The following ZFHX3 variants were observed in gnomAD, a reference collection of about 807,000 sequenced individuals.
ZFHX3 encodes zinc finger homeobox protein 3.
In ZFHX3, 42 loss-of-function variants were observed where a neutral mutation model predicts 279.1. The observed-to-expected ratio is 0.15, with a 90% CI of 0.12 to 0.19. ZFHX3 has a LOEUF of 0.19. ZFHX3 is among the 10% of genes least tolerant of loss of function. The probability of loss-of-function intolerance (pLI) is 1.00; values close to 1 mark genes in which losing one functional copy is unlikely to be tolerated. For missense variants in ZFHX3, 4,981 were observed against 4,754.0 expected, an observed-to-expected ratio of 1.05 and a Z score of -1.40; for synonymous variants, 2,293 against 1,957.8, an observed-to-expected ratio of 1.17 and a Z score of -4.52.
At chr16:73,488,157 T>G (rs2143641055) in intron 2 of ZFHX3, among the ~76,000 whole-genome samples, 1 of 152,236 alleles carries the variant, frequency 6.6e-6, no homozygotes, top group African/African-American at 2.4e-5. Context: ...TAGAAGAATT[T>G]GAGAGAACAA....
intron 3 of ZFHX3, among the ~76,000 whole-genome samples, chr16:72,914,752 G>A (rs577505345): frequency 7.6e-4 from 115 of 152,246 alleles, no homozygotes; most frequent in Admixed American, 2.5e-3. Context: ...AGCACTTTGG[G>A]GGCTGAGGCA....
intron 3 of ZFHX3, among the ~76,000 whole-genome samples, chr16:72,931,328 A>G (rs1166802834): frequency 1.3e-5 from 2 of 151,488 alleles, no homozygotes; most frequent in African/African-American, 4.8e-5. Flanking sequence ...CTTTCAAATC[A>G]AGAAGGGAGG....
intron 4 of ZFHX3, among the ~76,000 whole-genome samples, chr16:72,853,435 C>T (rs1201220966): frequency 6.6e-6 from 1 of 152,242 alleles, no homozygotes; most frequent in East Asian, 1.9e-4. Flanking sequence ...AGCCTTCTTT[C>T]TGCCCAGAAC....
chr16:72,944,782 A>G (rs1474133989), intron 3 of ZFHX3, among the ~76,000 whole-genome samples: 2 of 152,222 alleles, frequency 1.3e-5, no homozygotes, highest in African/African-American at 4.8e-5. Flanking sequence ...AATAATTAAG[A>G]ATACAATACT....
At chr16:73,052,754 G>C (rs1227529370), upstream of ZFHX3, among the ~76,000 whole-genome samples, 1 of 152,182 alleles carries the variant, frequency 6.6e-6, no homozygotes, top group African/African-American at 2.4e-5. Flanking sequence ...TAGGACAAAT[G>C]TTTTTGCTTT....
chr16:73,409,042 A>T (rs2017417673), intron 3 of ZFHX3, among the ~76,000 whole-genome samples: 1 of 152,172 alleles, frequency 6.6e-6, no homozygotes, highest in African/African-American at 2.4e-5. Flanking sequence ...CAATCCAGGG[A>T]TTCATTCATT....
intron 1 of ZFHX3, among the ~76,000 whole-genome samples, chr16:73,746,871 T>C (rs937102237): frequency 6.6e-6 from 1 of 152,244 alleles, no homozygotes; most frequent in Non-Finnish European, 1.5e-5. Context: ...CCTTCTTTTT[T>C]CCTTATTGCC....
At chr16:73,517,179 G>C (rs1238125744) in intron 2 of ZFHX3, among the ~76,000 whole-genome samples, 1 of 152,080 alleles carries the variant, frequency 6.6e-6, no homozygotes, top group Non-Finnish European at 1.5e-5. Flanking sequence ...TGACTGTATT[G>C]TTCTACCGTC....
In ZFHX3 at chr16:73,415,273, G is replaced by C. The variant is rs8058103; in HGVS notation, c.-1291+40730C>G. On this transcript the variant is annotated intron_variant, in intron 3 of 17. Transcript: ENST00000641206. Reference sequence around the variant, plus strand: ...CAGAAGAAACAGACTTGGCTTATAAGACATTAAGAAAATTTTTAGTCTTGA... The same window carrying C: ...CAGAAGAAACAGACTTGGCTTATAACACATTAAGAAAATTTTTAGTCTTGA... 7.2e-3 allele frequency among the ~76,000 whole-genome samples: 1,103 copies of C among 152,278 alleles called. 13 individuals carry two copies. Among genetic ancestry groups the C allele is most frequent in the African/African-American group, 0.025 (1,039 of 41,558 alleles).
chr16:73,168,506 C>T (rs1340651680), intron 5 of ZFHX3, among the ~76,000 whole-genome samples: 1 of 152,158 alleles, frequency 6.6e-6, no homozygotes, highest in Admixed American at 6.6e-5. Context: ...GTCTCCTACC[C>T]CAGCCTCCCG....
At chr16:73,444,052 C>T (rs1368337942) in intron 3 of ZFHX3, among the ~76,000 whole-genome samples, 15 of 152,234 alleles carry the variant, frequency 9.9e-5, no homozygotes, top group East Asian at 1.9e-4. Context: ...TGAGCCACCA[C>T]GCCAAGTCCT....
At chr16:73,510,131 C>A (rs1320254503) in intron 2 of ZFHX3, among the ~76,000 whole-genome samples, 4 of 152,152 alleles carry the variant, frequency 2.6e-5, no homozygotes, top group Non-Finnish European at 4.4e-5. Flanking sequence ...GCTATGTCAC[C>A]TTTTCTGAGA....
chr16:73,036,182 T>A (rs1174659256), intron 1 of ZFHX3, among the ~76,000 whole-genome samples: 4 of 152,152 alleles, frequency 2.6e-5, no homozygotes, highest in African/African-American at 9.7e-5. Context: ...TGGGGAGGGC[T>A]GCGGGAGGAA....
At chr16:73,153,525 G>C (rs899345953) in intron 5 of ZFHX3, among the ~76,000 whole-genome samples, 1 of 152,168 alleles carries the variant, frequency 6.6e-6, no homozygotes, top group Non-Finnish European at 1.5e-5. Flanking sequence ...TCCTTCCCTT[G>C]TGTGAGCCCT....
intron 8 of ZFHX3, chr16:73,093,081 A>G (rs750445418): frequency 1.9e-6 from 1 of 520,028 alleles, no homozygotes; most frequent in Non-Finnish European, 3.8e-6. Flanking sequence ...CCCCTCCCAG[A>G]GATCCCTTCA....
intron 2 of ZFHX3, among the ~76,000 whole-genome samples, chr16:73,640,545 A>G (rs1369376431): frequency 6.6e-6 from 1 of 152,232 alleles, no homozygotes; most frequent in Non-Finnish European, 1.5e-5. Flanking sequence ...TGAACAGAAC[A>G]TTATACACAT....
intron 1 of ZFHX3, among the ~76,000 whole-genome samples, chr16:73,041,355 C>T (rs574472916): frequency 1.3e-5 from 2 of 151,454 alleles, no homozygotes; most frequent in Non-Finnish European, 2.9e-5. Flanking sequence ...CTCTGGATTT[C>T]CTATCTGTTG....
At chr16:72,944,520 T>TA in intron 3 of ZFHX3, among the ~76,000 whole-genome samples, 1 of 152,154 alleles carries the variant, frequency 6.6e-6, no homozygotes, top group Non-Finnish European at 1.5e-5. Context: ...CTTAAAGATG[T>TA]AAAAAAGGTC....
intron 2 of ZFHX3, among the ~76,000 whole-genome samples, chr16:73,473,339 C>CAAAAAAAAAAAAAAAG (rs2018703187): frequency 1.3e-5 from 1 of 76,658 alleles, no homozygotes; most frequent in Non-Finnish European, 2.3e-5. Context: ...TGTCTCAAAG[C>CAAAAAAAAAAAAAAAG]AAAAAAAAAA....
Sources: allele counts gnomAD v4.1 joint callset (sites outside exome capture counted in the v4.1 genomes callset), GRCh38; gene constraint gnomAD v4.1.1; transcripts MANE v1.5; gene names NCBI Gene and HGNC (gene_info 2026-07-23, HGNC 2026-07-21).